Variants in EMP2 observed in about 807,000 individuals in gnomAD.
EMP2 encodes the protein epithelial membrane protein 2.
In EMP2, 19 loss-of-function variants were observed where a neutral mutation model predicts 13.7. The ratio of observed to expected loss-of-function variants is 1.38; its 90% CI spans 0.97 to 2.03. The LOEUF (loss-of-function observed/expected upper bound fraction) is 2.03. Among genes scored for constraint, EMP2 ranks in the 30% most tolerant of loss-of-function variants. The probability of loss-of-function intolerance (pLI) is 0.00; values close to 1 mark genes in which losing one functional copy is unlikely to be tolerated. For missense variants in EMP2, 253 were observed against 220.7 expected, an observed-to-expected ratio of 1.15 and a Z score of -0.93; for synonymous variants, 97 against 84.7, an observed-to-expected ratio of 1.15 and a Z score of -0.80.
chr16:10,574,000 T>C (rs1206200787), intron 1 of EMP2, among the ~76,000 whole-genome samples: 1 of 139,338 alleles, frequency 7.2e-6, no homozygotes, highest in Non-Finnish European at 1.5e-5. Flanking sequence ...TGCAGTGGCA[T>C]GATCTCGGCT....
rs151170183 is a variant in EMP2, at chr16:10,577,609, A to G, written c.-61+2940T>C. ...GCACATGCTGAGGCCATCGTCCAAG[A>G]GTCAGGCCTCCATCCCTTCTATGAT... On this transcript the variant is annotated intron_variant, in intron 1 of 4. Coordinates refer to ENST00000359543, the MANE Select transcript of EMP2 (RefSeq NM_001424.6). Among the ~76,000 whole-genome samples, 219 of 152,206 alleles carry G rather than the reference A, an allele frequency of 1.4e-3. 2 individuals are homozygous for G. Among genetic ancestry groups the G allele is most frequent in the African/African-American group, 5.0e-3 (209 of 41,536 alleles).
chr16:10,529,320 T>G lies in EMP2; in HGVS notation c.*3585A>C, dbSNP rs2050579117. The stretch of plus-strand genomic sequence containing the variant: ...TAATAAGCACCAAGTGAGGGCTGAT[T>G]CTATCTACAGGTAAGAAGCTTGGAT... On this transcript the variant is annotated 3_prime_UTR_variant, in exon 5 of 5. Transcript: ENST00000359543. 1 of 152,200 alleles carries G rather than the reference T, an allele frequency of 6.6e-6. No individual in the cohort carries two copies. Among genetic ancestry groups the G allele is most frequent in the Admixed American group, 6.5e-5 (1 of 15,272 alleles). The allele number at this position is 152,200 out of a possible 1,614,324, so 9.4% of individuals were successfully genotyped here.
intron 1 of EMP2, among the ~76,000 whole-genome samples, chr16:10,572,958 C>G (rs2142211845): frequency 6.6e-6 from 1 of 152,328 alleles, no homozygotes; most frequent in South Asian, 2.1e-4. Context: ...ACAACTGGGA[C>G]CCCAAAGCAT....
chr16:10,535,527 T>C (rs2050640230), intron 4 of EMP2, among the ~76,000 whole-genome samples: 1 of 152,112 alleles, frequency 6.6e-6, no homozygotes, highest in African/African-American at 2.4e-5. Flanking sequence ...GAGACCAGCC[T>C]GCACAACATA....
chr16:10,568,050 G>T (rs2050921004), intron 1 of EMP2, among the ~76,000 whole-genome samples: 1 of 152,178 alleles, frequency 6.6e-6, no homozygotes, highest in Non-Finnish European at 1.5e-5. Flanking sequence ...AATAAAGGAA[G>T]ACAGACACAG....
At position 10,532,832 on chromosome 16, in the gene EMP2, T is replaced by C. The variant is rs2050617429; in HGVS notation, c.*73A>G. On this transcript the variant is annotated 3_prime_UTR_variant, in exon 5 of 5. Coordinates refer to ENST00000359543, the MANE Select transcript of EMP2 (RefSeq NM_001424.6). Reference sequence around the variant, plus strand: ...CGTTTGCTAGAAAAACCTCAAAAAATAATGATTATATACAAAATGGTTATC... The same window carrying C: ...CGTTTGCTAGAAAAACCTCAAAAAACAATGATTATATACAAAATGGTTATC... 1 of 915,442 alleles carries C rather than the reference T, an allele frequency of 1.1e-6. No individual in the cohort carries two copies. Among genetic ancestry groups the C allele is most frequent in the Non-Finnish European group, 1.3e-6 (1 of 743,686 alleles). 56.7% of individuals were successfully genotyped at this position (915,442 alleles called of 1,614,324 possible).
intron 1 of EMP2, among the ~76,000 whole-genome samples, chr16:10,567,535 G>A (rs2050915307): frequency 1.3e-5 from 2 of 152,300 alleles, no homozygotes; most frequent in South Asian, 2.1e-4. Flanking sequence ...CACCAAGGTG[G>A]GTGAGCCAGG....
chr16:10,563,770 T>A (rs1432015857), intron 1 of EMP2, among the ~76,000 whole-genome samples: 1 of 152,188 alleles, frequency 6.6e-6, no homozygotes, highest in African/African-American at 2.4e-5. Flanking sequence ...TGTCCCTATT[T>A]CTCCACTCTA....
intron 1 of EMP2, among the ~76,000 whole-genome samples, chr16:10,550,595 G>T (rs2050779342): frequency 6.6e-6 from 1 of 152,174 alleles, no homozygotes; most frequent in African/African-American, 2.4e-5. Context: ...ATGCCAGTTT[G>T]TCCCATCATT....
At chr16:10,533,444 A>G (rs1462851010) in intron 4 of EMP2, among the ~76,000 whole-genome samples, 1 of 152,200 alleles carries the variant, frequency 6.6e-6, no homozygotes, top group African/African-American at 2.4e-5. Context: ...TTTGCTTCCC[A>G]TTCTTGCTAA....
At chr16:10,539,406 A>C (rs909059973) in intron 3 of EMP2, among the ~76,000 whole-genome samples, 1 of 152,134 alleles carries the variant, frequency 6.6e-6, no homozygotes, top group Non-Finnish European at 1.5e-5. Flanking sequence ...CTTTCCCCCA[A>C]TTCCTTATGG....
chr16:10,539,776 C>T (rs991702861), intron 3 of EMP2, among the ~76,000 whole-genome samples: 6 of 152,040 alleles, frequency 3.9e-5, no homozygotes, highest in Non-Finnish European at 5.9e-5. Flanking sequence ...TAAATCAGAA[C>T]GTCGGGCATT....
intron 1 of EMP2, among the ~76,000 whole-genome samples, chr16:10,558,507 C>T (rs1053160912): frequency 3.4e-5 from 5 of 147,384 alleles, no homozygotes; most frequent in East Asian, 2.0e-4. Context: ...GTGTGTGTGT[C>T]GCACGTCTAG....
At chr16:10,571,479 C>G (rs2050947015) in intron 1 of EMP2, among the ~76,000 whole-genome samples, 1 of 152,078 alleles carries the variant, frequency 6.6e-6, no homozygotes, top group African/African-American at 2.4e-5. Context: ...AATCAGCATT[C>G]TATCCAGATT....
At chr16:10,543,397 C>T (rs1218102114) in intron 3 of EMP2, among the ~76,000 whole-genome samples, 173 bp downstream of exon 3, 2 of 152,294 alleles carry the variant, frequency 1.3e-5, no homozygotes, top group Non-Finnish European at 2.9e-5. Flanking sequence ...CCCCTGGCAT[C>T]TCCAGCTTGT....
At chr16:10,558,122 T>C (rs1055358456) in intron 1 of EMP2, among the ~76,000 whole-genome samples, 4 of 151,964 alleles carry the variant, frequency 2.6e-5, no homozygotes, top group African/African-American at 9.7e-5. Flanking sequence ...CTCGAACTTT[T>C]GGGCTCAAGC....
At chr16:10,568,241 A>C (rs1302353720) in intron 1 of EMP2, among the ~76,000 whole-genome samples, 3 of 152,228 alleles carry the variant, frequency 2.0e-5, no homozygotes, top group Non-Finnish European at 4.4e-5. Context: ...TCCAATAAAC[A>C]GCAAGGTTTG....
chr16:10,549,883 CTTTTTTTT>C (rs59259895), intron 1 of EMP2, among the ~76,000 whole-genome samples: 5 of 112,262 alleles, frequency 4.5e-5, no homozygotes, highest in Non-Finnish European at 7.0e-5. Flanking sequence ...TTTTCTTTTT[CTTTTTTTT>C]TTTTTTTTTT....
chr16:10,551,198 T>C (rs1306086492), intron 1 of EMP2, among the ~76,000 whole-genome samples: 1 of 152,218 alleles, frequency 6.6e-6, no homozygotes, highest in Non-Finnish European at 1.5e-5. Context: ...TCTGTTTCTA[T>C]GGATTTGTCT....
Sources: gnomAD v4.1 joint callset for allele counts (sites outside exome capture counted in the v4.1 genomes callset) on GRCh38, gnomAD v4.1.1 for gene constraint, MANE v1.5 for transcripts, NCBI Gene and HGNC (gene_info 2026-07-23, HGNC 2026-07-21) for gene names.